Variants in CCDC93 observed in about 807,000 individuals in gnomAD.
CCDC93 encodes the protein CCC complex scaffolding subunit CCDC93.
In CCDC93, 61 loss-of-function variants were observed where a neutral mutation model predicts 108.2. The ratio of observed to expected loss-of-function variants is 0.56; its 90% CI spans 0.46 to 0.70. The LOEUF is 0.70. Among genes scored for constraint, CCDC93 ranks in the 30% least tolerant of loss-of-function variants. CCDC93 has a pLI of 0.00. For synonymous variants in CCDC93, 276 were observed against 260.4 expected (o/e 1.06, Z -0.58); for missense variants, 685 against 764.2 (o/e 0.90, Z 1.22).
chr2:117,937,350 G>T (rs1678557142), intron 20 of CCDC93, among the ~76,000 whole-genome samples: 1 of 152,092 alleles, frequency 6.6e-6, no homozygotes, highest in African/African-American at 2.4e-5. Context: ...AGGAAACCTG[G>T]GTCATCTTTC....
chr2:117,951,713 A>G, intron 13 of CCDC93: 1 of 999,116 alleles, frequency 1.0e-6, no homozygotes, highest in Non-Finnish European at 1.2e-6. Flanking sequence ...TGTGGAAACC[A>G]AGGAACAGAA....
intron 23 of CCDC93, 55 bp downstream of exon 23, chr2:117,930,982 G>C (rs929894786): frequency 1.7e-6 from 2 of 1,171,732 alleles, no homozygotes; most frequent in Non-Finnish European, 2.5e-6. Context: ...GGCTACTTTT[G>C]AGGTGAACAT....
intron 23 of CCDC93, 88 bp from the exon 24 acceptor site, chr2:117,920,484 C>T: frequency 1.2e-6 from 1 of 861,028 alleles, no homozygotes; most frequent in Admixed American, 2.2e-5. Context: ...CTTCCCATAT[C>T]CCTATGGGAG....
At chr2:118,009,049 T>A (rs757298994) in intron 1 of CCDC93, 40 of 159,170 alleles carry the variant, frequency 2.5e-4, no homozygotes, top group Admixed American at 4.3e-4. Context: ...GAACAAGGTT[T>A]TATGGTGTTT....
At chr2:117,939,341 A>T (rs1678623510) in intron 19 of CCDC93, among the ~76,000 whole-genome samples, 1 of 152,182 alleles carries the variant, frequency 6.6e-6, no homozygotes, top group Non-Finnish European at 1.5e-5. Context: ...GTGAGTACCC[A>T]AAGTTGAGAA....
rs1677811568 is a variant in CCDC93 at position 117,920,155 on chromosome 2, G to C, written c.*188C>G. The C allele has an allele frequency of 1.9e-6, 1 of 524,364 alleles. No individual in the cohort carries two copies. The highest frequency in any genetic ancestry group is 1.9e-5 in the African/African-American group (1 of 52,822). The allele number at this position is 524,364 out of a possible 1,614,324, so 32.5% of individuals were successfully genotyped here. A position where few individuals can be genotyped will look rare whatever the true frequency, so the allele number is the denominator to read the frequency against. On this transcript the variant is annotated 3_prime_UTR_variant, in exon 24 of 24. Transcript: ENST00000376300. ...GTGTTATCCAAGCCACGTGTTTACT[G>C]TCTGACTCCATCAACAGCAGCCAAC...
intron 2 of CCDC93, among the ~76,000 whole-genome samples, chr2:118,008,109 G>C (rs1264549027): frequency 6.6e-6 from 1 of 152,142 alleles, no homozygotes; most frequent in East Asian, 1.9e-4. Context: ...AGGTTCTGCT[G>C]AATTAAAAGA....
chr2:118,000,962 G>A, intron 3 of CCDC93, 30 bp from the exon 4 acceptor site: 1 of 1,357,800 alleles, frequency 7.4e-7, no homozygotes, highest in Non-Finnish European at 1.1e-6. Context: ...AGCAAAGAGT[G>A]AGGCATACTA....
At chr2:117,944,191 A>G (rs1224947785) in intron 17 of CCDC93, 105 bp from the exon 18 acceptor site, 8 of 741,490 alleles carry the variant, frequency 1.1e-5, no homozygotes, top group Non-Finnish European at 1.7e-5. Flanking sequence ...CCCCATCCTA[A>G]GGCCTTAAAT....
chr2:117,950,002 T>C (rs945712954), intron 13 of CCDC93: 1 of 985,324 alleles, frequency 1.0e-6, no homozygotes, highest in African/African-American at 1.7e-5. Context: ...ACACAAGAGC[T>C]GGTGCTTAAG....
At chr2:117,988,980 TGAG>T (rs1254941941) in intron 6 of CCDC93, among the ~76,000 whole-genome samples, 6 of 152,210 alleles carry the variant, frequency 3.9e-5, no homozygotes, top group South Asian at 2.1e-4. Flanking sequence ...ATAAGATCAC[TGAG>T]GGTTATATAA....
At chr2:118,013,684 G>A (rs1262896644) in intron 1 of CCDC93, among the ~76,000 whole-genome samples, 6 of 152,152 alleles carry the variant, frequency 3.9e-5, no homozygotes, top group African/African-American at 1.2e-4. Flanking sequence ...GGCTGCGTCA[G>A]AGCAGGTGTC....
At chr2:117,992,251 T>C (rs1680496278) in intron 6 of CCDC93, among the ~76,000 whole-genome samples, 1 of 152,106 alleles carries the variant, frequency 6.6e-6, no homozygotes, top group Non-Finnish European at 1.5e-5. Context: ...CCCTTTTTAT[T>C]TATTGTTTTG....
At chr2:117,979,199 A>G (rs1391777804) in intron 7 of CCDC93, among the ~76,000 whole-genome samples, 1 of 151,558 alleles carries the variant, frequency 6.6e-6, no homozygotes, top group East Asian at 1.9e-4. Context: ...AGAAAACAGA[A>G]CCTCCTCAGG....
chr2:117,988,692 T>A (rs112377340), intron 6 of CCDC93, among the ~76,000 whole-genome samples: 43 of 152,338 alleles, frequency 2.8e-4, no homozygotes, highest in African/African-American at 9.6e-4. Flanking sequence ...AAAGTTACTA[T>A]AAATGGGACA....
intron 16 of CCDC93, 112 bp from the exon 17 acceptor site, chr2:117,945,694 G>T: frequency 1.2e-6 from 1 of 820,880 alleles, no homozygotes; most frequent in Non-Finnish European, 2.0e-6. Context: ...GTGCAGCTGA[G>T]AAATGTGTTG....
intron 23 of CCDC93, 50 bp from the exon 24 acceptor site, chr2:117,920,446 C>T: frequency 3.8e-6 from 5 of 1,305,238 alleles, no homozygotes; most frequent in Non-Finnish European, 5.5e-6. Flanking sequence ...CATTAGCACC[C>T]ATGTGAGGCC....
At chr2:117,926,870 A>G (rs1268357219) in intron 23 of CCDC93, among the ~76,000 whole-genome samples, 5 of 152,214 alleles carry the variant, frequency 3.3e-5, no homozygotes, top group African/African-American at 7.2e-5. Context: ...AAAATCCTCA[A>G]TAAAATACTG....
chr2:117,973,604 A>G (rs1679836462), intron 11 of CCDC93, among the ~76,000 whole-genome samples: 1 of 152,158 alleles, frequency 6.6e-6, no homozygotes, highest in African/African-American at 2.4e-5. Flanking sequence ...GGCCTGATAG[A>G]AAAGAAAAAA....
Sources: gnomAD v4.1 joint callset for allele counts (sites outside exome capture counted in the v4.1 genomes callset) on GRCh38, gnomAD v4.1.1 for gene constraint, MANE v1.5 for transcripts, NCBI Gene and HGNC (gene_info 2026-07-23, HGNC 2026-07-21) for gene names.